MAP1A: variants seen among roughly 807,000 people sequenced by gnomAD.
MAP1A encodes microtubule-associated protein 1A.
MAP1A carries 42 observed loss-of-function variants against 185.9 expected under a neutral mutation model. That is an observed-to-expected ratio of 0.23 (90% CI 0.18 to 0.29). The LOEUF is 0.29. Ranked by LOEUF, MAP1A falls within the 10% of genes least tolerant of loss-of-function variation. MAP1A has a pLI of 1.00. For missense variants in MAP1A, 2,995 were observed against 3,450.4 expected (o/e 0.87, Z 3.31); for synonymous variants, 1,229 against 1,335.9 (o/e 0.92, Z 1.74).
At chr15:43,520,443 G>T (rs963603224) in intron 1 of MAP1A, among the ~76,000 whole-genome samples, 198 bp from the exon 2 acceptor site, 11 of 152,172 alleles carry the variant, frequency 7.2e-5, no homozygotes, top group Middle Eastern at 3.2e-3. Context: ...CAGTGTGGGA[G>T]AGGGGAGGTG....
At position 43,522,549 on chromosome 15, in the gene MAP1A, C is replaced by G; in HGVS notation, c.1076C>G (p.Thr359Arg). Residue 359 changes from threonine (T) to arginine (R), a missense_variant, in exon 4 of 6, where the codon ACA (threonine) becomes AGA (arginine). This residue lies in a region of MAP1A where 2,728 missense variants were observed against 2,986.0 expected (regional missense o/e 0.91). Transcript: ENST00000300231. This position sits in a 1 kb window ranked among gnomAD's most constrained non-coding sequence, Gnocchi z 5.9. Reference protein sequence around the residue: ...RSELAKELAKTEKKAKESSEK... With the variant: ...RSELAKELAKREKKAKESSEK... ...GAGCTGGCCAAGGAGTTAGCCAAGA[C>G]AGAGAAGAAGGCAAAAGAGTCATCT... is the stretch of plus-strand genomic sequence containing the variant. The G allele has an allele frequency of 1.9e-6, 3 of 1,611,672 alleles. No homozygotes were observed. The highest frequency in any genetic ancestry group is 2.5e-6 in the Non-Finnish European group (3 of 1,178,756).
chr15:43,524,629 G>A lies in MAP1A; in HGVS notation c.3156G>A (p.Gly1052=). ...EDAAEETVKP[G]PEEGTLEKEE... ...CTGCTGAGGAGACAGTCAAGCCAGG[G>A]CCTGAAGAGGGCACACTAGAGAAGG... Residue 1052 remains glycine (G), a synonymous_variant, in exon 4 of 6, where the codon GGG becomes GGA. Transcript: ENST00000300231. 1 of 1,614,132 alleles carries A rather than the reference G, an allele frequency of 6.2e-7. No homozygotes were observed. Among genetic ancestry groups the A allele is most frequent in the South Asian group, 1.1e-5 (1 of 91,082 alleles).
At chr15:43,520,815 T>C (rs1426209630) in intron 2 of MAP1A, 92 bp downstream of exon 2, 2 of 1,321,228 alleles carry the variant, frequency 1.5e-6, no homozygotes, top group African/African-American at 2.9e-5. Context: ...CAAGAATTCC[T>C]CTCTCTGCCA....
Position 43,521,625 on chromosome 15 carries a change from C to T in MAP1A, c.152C>T (p.Ala51Val), listed in dbSNP as rs1400654982. The change falls in exon 4 of 6, where the codon GCC (alanine) becomes GTC (valine). Residue 51 changes from alanine (A) to valine (V), a missense_variant. Coordinates refer to ENST00000300231, the MANE Select transcript of MAP1A (RefSeq NM_002373.6). The surrounding 1 kb of genome is among the most constrained non-coding windows in gnomAD (Gnocchi z 4.6). Reference protein sequence around the residue: ...YIFPGGRGDSALFAVNGFNIL... With the variant: ...YIFPGGRGDSVLFAVNGFNIL... Reference sequence around the variant, plus strand: ...TTCCCAGGTGGTCGTGGGGACTCTGCCCTCTTTGCTGTCAATGGTTTCAAC... The same window carrying T: ...TTCCCAGGTGGTCGTGGGGACTCTGTCCTCTTTGCTGTCAATGGTTTCAAC... 6.2e-7 allele frequency: 1 copy of T among 1,614,074 alleles called. No individual in the cohort carries two copies. The highest frequency in any genetic ancestry group is 1.7e-5 in the Admixed American group (1 of 60,022).
At position 43,522,080 on chromosome 15, in the gene MAP1A, C is replaced by T; in HGVS notation, c.607C>T (p.Leu203Phe). The T allele has an allele frequency of 6.2e-7, 1 of 1,614,200 alleles. No individual in the cohort carries two copies. The highest frequency in any genetic ancestry group is 8.5e-7 in the Non-Finnish European group (1 of 1,180,032). Residue 203 changes from leucine (L) to phenylalanine (F), a missense_variant, in exon 4 of 6, where the codon CTC becomes TTC. Physicochemically the swap from Leu to Phe is conservative, Grantham distance 22 (BLOSUM62 0). Transcript: ENST00000300231. The surrounding 1 kb of genome is among the most constrained non-coding windows in gnomAD (Gnocchi z 5.9). ...TGTGGGCCGGCTGGACATGTATGTC[C>T]TCAACCCTGTCAAGGACAGCAAGGA... ...MGVGRLDMYV[L>F]NPVKDSKEMQ...
rs780043631 is a variant in MAP1A, at chr15:43,528,110, C to T, written c.6637C>T (p.Arg2213Trp). The part of the protein sequence containing the change: ...ALAPGPPTRT[R>W]HDEYLEVTKA... ...GGCTCCAGGACCCCCCACCAGAACCCGGCATGATGAATACCTGGAAGTGAC... is the reference window on the plus strand; with the variant it reads ...GGCTCCAGGACCCCCCACCAGAACCTGGCATGATGAATACCTGGAAGTGAC... Residue 2213 changes from arginine to tryptophan, a missense_variant, in exon 4 of 6, where the codon CGG (arginine) becomes TGG (tryptophan). This residue lies in a region of MAP1A where 2,728 missense variants were observed against 2,986.0 expected (regional missense o/e 0.91). Transcript: ENST00000300231. The T allele has an allele frequency of 1.4e-5, 23 of 1,613,934 alleles. No individual in the cohort carries two copies. Among genetic ancestry groups the T allele is most frequent in the Admixed American group, 1.2e-4 (7 of 60,006 alleles).
upstream of MAP1A, among the ~76,000 whole-genome samples, chr15:43,516,554 T>C (rs894442526): frequency 5.3e-5 from 8 of 152,158 alleles, no homozygotes; most frequent in Admixed American, 5.2e-4. Context: ...ATGAGCATCC[T>C]CGGGTTGGAA....
Position 43,525,162 on chromosome 15 carries a change from T to C in MAP1A, c.3689T>C (p.Leu1230Pro), listed in dbSNP as rs2079337302. The C allele has an allele frequency of 6.2e-7, 1 of 1,614,208 alleles. No homozygotes were observed. Among genetic ancestry groups the C allele is most frequent in the African/African-American group, 1.3e-5 (1 of 75,056 alleles). Residue 1230 changes from leucine (L) to proline (P), a missense_variant, in exon 4 of 6, where the codon CTA (leucine) becomes CCA (proline). This residue lies in a region of MAP1A where 2,728 missense variants were observed against 2,986.0 expected (regional missense o/e 0.91). Transcript: ENST00000300231. ...ESLGTLQFGE[L>P]NLGKEEMGHL... ...CTTGGCACCCTCCAGTTTGGGGAAC[T>C]AAACCTTGGGAAGGAAGAAATGGGG...
In MAP1A at chr15:43,528,186, C is replaced by T. The variant is rs2079354436; in HGVS notation, c.6713C>T (p.Ser2238Phe). Residue 2238 changes from serine (S) to phenylalanine (F), a missense_variant, in exon 4 of 6, where the codon TCT (serine) becomes TTT (phenylalanine). Transcript: ENST00000300231. ...CTGCCCCAGCTCCCATCACCCAGTTCTCCTGGGGCCCCTCTCCTCTCCAAT... is the reference window on the plus strand; with the variant it reads ...CTGCCCCAGCTCCCATCACCCAGTTTTCCTGGGGCCCCTCTCCTCTCCAAT... ...SSLPQLPSPSSPGAPLLSNLP... is the reference protein window; with the variant it reads ...SSLPQLPSPSFPGAPLLSNLP... 6.2e-7 allele frequency: 1 copy of T among 1,614,164 alleles called. No homozygotes were observed. The highest frequency in any genetic ancestry group is 1.1e-5 in the South Asian group (1 of 91,086).
In MAP1A at chr15:43,525,428, C is replaced by T; in HGVS notation, c.3955C>T (p.Pro1319Ser). 1 of 1,614,178 alleles carries T rather than the reference C, an allele frequency of 6.2e-7. No individual in the cohort carries two copies. The highest frequency in any genetic ancestry group is 8.5e-7 in the Non-Finnish European group (1 of 1,180,036). ...AAGCCCTGATGAACACATTCTGACA[C>T]CTGATAGCTCCTTCTCCAAGAGTCC... ...ITSPDEHILT[P>S]DSSFSKSPES... The change falls in exon 4 of 6, where the codon CCT becomes TCT. Residue 1319 changes from proline (P) to serine (S), a missense_variant. Transcript: ENST00000300231.
At chr15:43,515,312 T>A (rs2079293677), upstream of MAP1A, among the ~76,000 whole-genome samples, 1 of 152,202 alleles carries the variant, frequency 6.6e-6, no homozygotes, top group Admixed American at 6.5e-5. Context: ...GCTCTATTAC[T>A]TCTACCAATA....
At chr15:43,520,282 G>T (rs1248585016) in intron 1 of MAP1A, among the ~76,000 whole-genome samples, 1 of 152,132 alleles carries the variant, frequency 6.6e-6, no homozygotes, top group Non-Finnish European at 1.5e-5. Flanking sequence ...CTCCAGCTGA[G>T]CCCCCCATCC....
Position 43,527,595 on chromosome 15 carries a change from C to G in MAP1A, c.6122C>G (p.Pro2041Arg). ...TTCAGCTATGCAGCCCTGGCAGGAC[C>G]CACTGTACCCCCAAGGCCAGAGCCA... is the stretch of plus-strand genomic sequence containing the variant. ...PTFSYAALAG[P>R]TVPPRPEPGP... is the part of the protein sequence containing the mutation. The change falls in exon 4 of 6, where the codon CCC becomes CGC. Residue 2041 changes from proline to arginine, a missense_variant. Transcript: ENST00000300231. The G allele has an allele frequency of 1.2e-6, 2 of 1,614,120 alleles. No homozygotes were observed. Among genetic ancestry groups the G allele is most frequent in the Non-Finnish European group, 1.7e-6 (2 of 1,180,016 alleles).
chr15:43,517,855 C>T (rs1378732379), intron 1 of MAP1A, among the ~76,000 whole-genome samples, 155 bp downstream of exon 1: 1 of 152,086 alleles, frequency 6.6e-6, no homozygotes, highest in East Asian at 1.9e-4. Context: ...AGAAGATGAA[C>T]GTTACTGGCT....
chr15:43,512,290 A>C (rs1418152524), exon 2 of MAP1A: 2 of 1,526,426 alleles, frequency 1.3e-6, no homozygotes, highest in Non-Finnish European at 1.8e-6. Flanking sequence ...CAGAGGTCAA[A>C]GGTTAGGACT....
In MAP1A at chr15:43,525,902, G is replaced by C. The variant is rs1436628912; in HGVS notation, c.4429G>C (p.Asp1477His). ...CAAGGCCCTGGAACCAAAAGATAAAGACTTGGAACAAAAGGACAGGGTCCT... is the reference window on the plus strand; with the variant it reads ...CAAGGCCCTGGAACCAAAAGATAAACACTTGGAACAAAAGGACAGGGTCCT... ...KDKALEPKDK[D>H]LEQKDRVLEQ... Residue 1477 changes from aspartate (D) to histidine (H), a missense_variant, in exon 4 of 6, where the codon GAC becomes CAC. This residue lies in a region of MAP1A where 2,728 missense variants were observed against 2,986.0 expected (regional missense o/e 0.91). Coordinates refer to ENST00000300231, the MANE Select transcript of MAP1A (RefSeq NM_002373.6). 3.1e-6 allele frequency: 5 copies of C among 1,613,378 alleles called. No individual in the cohort carries two copies. The highest frequency in any genetic ancestry group is 1.7e-5 in the Admixed American group (1 of 59,980).
rs769872440 is a variant in MAP1A, at chr15:43,523,245, A to G, written c.1772A>G (p.Lys591Arg). 5.0e-6 allele frequency: 8 copies of G among 1,613,976 alleles called. No individual in the cohort carries two copies. In the East Asian group the frequency reaches 1.6e-4, roughly 31 times the overall value. ...CTGGGACAAGAAGAACATGTGATGA[A>G]GGAGAAAGAGCTTGTCCCAGAGGTC... is the stretch of plus-strand genomic sequence containing the variant. ...PGLGQEEHVM[K>R]EKELVPEVPE... is the part of the protein sequence containing the mutation. The change falls in exon 4 of 6, where the codon AAG becomes AGG. Residue 591 changes from lysine to arginine, a missense_variant. Around this residue, in one of 3 missense-constraint regions of MAP1A, gnomAD observed 2,728 missense variants for 2,986.0 expected, o/e 0.91. Coordinates refer to ENST00000300231, the MANE Select transcript of MAP1A (RefSeq NM_002373.6).
Position 43,522,953 on chromosome 15 carries a change from G to A in MAP1A, c.1480G>A (p.Gly494Arg). ...AATAGACAGGAGCCGTGCTATCCGTGGGGAGAAGGAGCTGTCTTCTGAGCC... is the reference window on the plus strand; with the variant it reads ...AATAGACAGGAGCCGTGCTATCCGTAGGGAGAAGGAGCTGTCTTCTGAGCC... Reference protein sequence around the residue: ...VKIDRSRAIRGEKELSSEPQT... With the variant: ...VKIDRSRAIRREKELSSEPQT... The change falls in exon 4 of 6, where the codon GGG (glycine) becomes AGG (arginine). Residue 494 changes from glycine (G) to arginine (R), a missense_variant. Gly to Arg is a moderately radical substitution (Grantham distance 125). This residue lies in a region of MAP1A where 2,728 missense variants were observed against 2,986.0 expected (regional missense o/e 0.91). Coordinates refer to ENST00000300231, the MANE Select transcript of MAP1A (RefSeq NM_002373.6). The surrounding 1 kb of genome is among the most constrained non-coding windows in gnomAD (Gnocchi z 5.9). The A allele has an allele frequency of 6.2e-7, 1 of 1,614,142 alleles. No individual in the cohort carries two copies. The highest frequency in any genetic ancestry group is 1.3e-5 in the African/African-American group (1 of 75,030).
intron 1 of MAP1A, among the ~76,000 whole-genome samples, chr15:43,517,998 C>A (rs1310938962): frequency 6.6e-6 from 1 of 152,100 alleles, no homozygotes; most frequent in Non-Finnish European, 1.5e-5. Flanking sequence ...GCCTGACAGC[C>A]CAGGATGCTG....
Sources: allele counts gnomAD v4.1 joint callset (sites outside exome capture counted in the v4.1 genomes callset), GRCh38; gene constraint gnomAD v4.1.1; regional missense constraint gnomAD v4.1.1; non-coding constraint Gnocchi (gnomAD v3.1); transcripts MANE v1.5; gene names NCBI Gene and HGNC (gene_info 2026-07-23, HGNC 2026-07-21).